The following KCP variants were observed in gnomAD, a reference collection of about 807,000 sequenced individuals.
KCP encodes kielin cysteine rich BMP regulator, also known as kielin/chordin-like protein.
KCP carries 194 observed loss-of-function variants against 212.7 expected under a neutral mutation model. That is an observed-to-expected ratio of 0.91 (90% CI 0.81 to 1.03). The LOEUF (loss-of-function observed/expected upper bound fraction) is 1.03. KCP is among the 50% of genes least tolerant of loss of function. The pLI, the probability that KCP is intolerant of heterozygous loss-of-function variation, is 0.00. For synonymous variants in KCP, 833 were observed against 865.3 expected (o/e 0.96, Z 0.65); for missense variants, 2,080 against 2,162.5 (o/e 0.96, Z 0.76).
At chr7:128,905,812 C>T (rs1795094707) in intron 5 of KCP, among the ~76,000 whole-genome samples, 1 of 152,044 alleles carries the variant, frequency 6.6e-6, no homozygotes, top group Non-Finnish European at 1.5e-5. Context: ...ACCTCACGTA[C>T]TCCCTCTCCT....
rs2128948327 is a variant in KCP, at chr7:128,894,260, C to T, written c.865G>A (p.Ala289Thr). Residue 289 changes from alanine to threonine, a missense_variant, in exon 9 of 40, where the codon GCC becomes ACC. Coordinates refer to ENST00000610776, the MANE Select transcript of KCP (RefSeq NM_001366122.1). The part of the protein sequence containing the change: ...GHIQCRQREC[A>T]SLCPYPARPL... ...CGGGCTGGGTATGGACACAGGCTGG[C>T]ACATTCTCGCTGGCGGCACTGGATG... The T allele has an allele frequency of 1.9e-6, 3 of 1,544,522 alleles. No homozygotes were observed. In the South Asian group the frequency reaches 3.6e-5, roughly 19 times the overall value.
chr7:128,892,644 C>T (rs747936077), intron 15 of KCP, 37 bp from the exon 16 acceptor site: 43 of 1,550,932 alleles, frequency 2.8e-5, no homozygotes, highest in Non-Finnish European at 4.4e-6. Flanking sequence ...TCGGGGCATG[C>T]CCAGGAGGGG....
At chr7:128,878,158 G>A (rs939603274) in intron 38 of KCP, among the ~76,000 whole-genome samples, 2 of 151,168 alleles carry the variant, frequency 1.3e-5, no homozygotes, top group Admixed American at 6.6e-5. Flanking sequence ...CTGGGTTCAA[G>A]TGATTCTCCT....
intron 23 of KCP, 56 bp from the exon 24 acceptor site, chr7:128,887,022 G>A: frequency 9.1e-7 from 1 of 1,095,304 alleles, no homozygotes; most frequent in Non-Finnish European, 1.4e-6. Context: ...CCCCAGGGCT[G>A]GAGCCCCTAC....
chr7:128,891,442 CAGA>C lies in KCP; in HGVS notation c.1878+6_1878+8del. 6.5e-7 allele frequency: 1 copy of C among 1,550,050 alleles called. No homozygotes were observed. Among genetic ancestry groups the C allele is most frequent in the Non-Finnish European group, 8.7e-7 (1 of 1,146,480 alleles). Reference sequence around the variant, plus strand: ...CCCCTGGGCGCCTCCCACCCAGGTGCAGACTCACCAGACAGCGACACAGACGGC... The same window carrying C: ...CCCCTGGGCGCCTCCCACCCAGGTGCCTCACCAGACAGCGACACAGACGGC... On this transcript the variant is annotated splice_donor_region_variant and intron_variant, in intron 18 of 39. Transcript: ENST00000610776.
Position 128,891,504 on chromosome 7 carries a change from T to C in KCP, c.1825A>G (p.Ser609Gly), listed in dbSNP as rs763933238. ...GCAFGGKEYP[S>G]GADFPHPSDP... ...GAGGGGTGGGGGAAGTCCGCTCCGC[T>C]GGGGTACTCTTTCCCGCCAAAGGCA... Residue 609 changes from serine (S) to glycine (G), a missense_variant, in exon 18 of 40, where the codon AGC becomes GGC. Physicochemically the swap from Ser to Gly is moderately conservative, Grantham distance 56. Coordinates refer to ENST00000610776, the MANE Select transcript of KCP (RefSeq NM_001366122.1). 6.5e-7 allele frequency: 1 copy of C among 1,547,228 alleles called. No individual in the cohort carries two copies. Among genetic ancestry groups the C allele is most frequent in the South Asian group, 1.2e-5 (1 of 84,006 alleles).
chr7:128,886,476 G>A lies in KCP; in HGVS notation c.2854C>T (p.Pro952Ser). Residue 952 changes from proline (P) to serine (S), a missense_variant, in exon 26 of 40, where the codon CCT becomes TCT. Physicochemically the swap from Pro to Ser is moderately conservative, Grantham distance 74. Coordinates refer to ENST00000610776, the MANE Select transcript of KCP (RefSeq NM_001366122.1). ...CAGGCGGCCATACCTCTGCAGCGAG[G>A]GCAGCAGCTCCCCCGCTCGGTGACC... Reference protein sequence around the residue: ...LQVTERGSCCPRCRGCLAHGE... With the variant: ...LQVTERGSCCSRCRGCLAHGE... 2 of 1,549,378 alleles carry A rather than the reference G, an allele frequency of 1.3e-6. No individual in the cohort carries two copies. Among genetic ancestry groups the A allele is most frequent in the Non-Finnish European group, 1.7e-6 (2 of 1,145,956 alleles).
rs558161406 is a variant in KCP at position 128,879,759 on chromosome 7, C to G, written c.4003G>C (p.Gly1335Arg). The change falls in exon 36 of 40, where the codon GGA becomes CGA. Residue 1335 changes from glycine to arginine, a missense_variant. Coordinates refer to ENST00000610776, the MANE Select transcript of KCP (RefSeq NM_001366122.1). ...TGCAGCAGCCGCACGGCCATGTCTCCCAGCAGCACCGCCACCTCCTGGGTC... is the reference window on the plus strand; with the variant it reads ...TGCAGCAGCCGCACGGCCATGTCTCGCAGCAGCACCGCCACCTCCTGGGTC... ...AWTQEVAVLL[G>R]DMAVRLLQDG... 25 of 1,550,532 alleles carry G rather than the reference C, an allele frequency of 1.6e-5. No individual in the cohort carries two copies. In the African/African-American group the frequency reaches 3.3e-4, roughly 20 times the overall value.
chr7:128,891,569 GA>G, intron 17 of KCP, 36 bp from the exon 18 acceptor site: 1 of 1,536,616 alleles, frequency 6.5e-7, no homozygotes. Context: ...GGGAGAGGGC[GA>G]CTGCCCCAGG....
chr7:128,890,542 C>CGTGGGGACTAGAGGGCT (rs925782958), intron 20 of KCP, 29 bp from the exon 21 acceptor site: 56 of 1,341,316 alleles, frequency 4.2e-5, no homozygotes, highest in Admixed American at 4.6e-5. Flanking sequence ...GCTGGGGGGC[C>CGTGGGGACTAGAGGGCT]GTGGGGACTA....
chr7:128,906,833 C>A (rs1490692123), intron 4 of KCP, among the ~76,000 whole-genome samples: 1 of 150,688 alleles, frequency 6.6e-6, no homozygotes, highest in African/African-American at 2.4e-5. Context: ...ATGTCAAAAA[C>A]CGCAATTACT....
Position 128,891,536 on chromosome 7 carries a change from G to C in KCP, c.1796-3C>G. On this transcript the variant is annotated splice_polypyrimidine_tract_variant and splice_region_variant and intron_variant, in intron 17 of 39. Coordinates refer to ENST00000610776, the MANE Select transcript of KCP (RefSeq NM_001366122.1). Reference sequence around the variant, plus strand: ...CTCTTTCCCGCCAAAGGCACAGCCTGGGGGAGGGAGGGGCTATAGCCTGGG... The same window carrying C: ...CTCTTTCCCGCCAAAGGCACAGCCTCGGGGAGGGAGGGGCTATAGCCTGGG... 4 of 1,547,014 alleles carry C rather than the reference G, an allele frequency of 2.6e-6. No homozygotes were observed. The South Asian group carries it at 3.6e-5, about 14-fold the overall frequency.
intron 30 of KCP, 70 bp downstream of exon 30, chr7:128,881,867 G>C (rs977804016): frequency 2.1e-6 from 3 of 1,457,918 alleles, no homozygotes; most frequent in Middle Eastern, 1.7e-4. Flanking sequence ...TGCGGGAGAG[G>C]AGTGGCAGCC....
intron 6 of KCP, 70 bp from the exon 7 acceptor site, chr7:128,903,890 G>A: frequency 7.6e-7 from 1 of 1,319,758 alleles, no homozygotes; most frequent in Non-Finnish European, 1.1e-6. Flanking sequence ...CGGGTGTTGG[G>A]CACCCTCGGA....
intron 34 of KCP, 44 bp downstream of exon 34, chr7:128,880,342 C>G (rs1221231460): frequency 6.7e-7 from 1 of 1,482,414 alleles, no homozygotes; most frequent in East Asian, 2.5e-5. Context: ...GTACCATGTG[C>G]CCCCACCCTG....
intron 8 of KCP, among the ~76,000 whole-genome samples, 197 bp downstream of exon 8, chr7:128,902,580 C>A (rs1476110639): frequency 6.6e-6 from 1 of 152,230 alleles, no homozygotes; most frequent in African/African-American, 2.4e-5. Context: ...GGCTGAGCAC[C>A]TCTTGGGCTC....
chr7:128,890,939 G>A lies in KCP; in HGVS notation c.2130C>T (p.His710=). The A allele has an allele frequency of 8.0e-7, 1 of 1,248,200 alleles. No individual in the cohort carries two copies. The highest frequency in any genetic ancestry group is 1.0e-6 in the Non-Finnish European group (1 of 1,001,036). 77.3% of individuals were successfully genotyped at this position (1,248,200 alleles called of 1,614,324 possible). The change falls in exon 20 of 40, where the codon CAC becomes CAT. Residue 710 remains histidine (H), a synonymous_variant. Transcript: ENST00000610776. ...AGGGGCAGCAAGGCCCCTGGCGCGG[G>A]TGCGCGCAGGGCGCGGGCGGGCAGG... ...RLPCPPAPCA[H]PRQGPCCPSC...
intron 1 of KCP, 94 bp downstream of exon 1, chr7:128,910,500 AAGAGCAG>A (rs1458430260): frequency 5.4e-6 from 6 of 1,112,858 alleles, no homozygotes; most frequent in Non-Finnish European, 7.4e-6. Context: ...AGGCAGGGCT[AAGAGCAG>A]AGCCCCCAGC....
chr7:128,884,147 G>A, intron 28 of KCP, 25 bp from the exon 29 acceptor site: 5 of 1,536,496 alleles, frequency 3.3e-6, no homozygotes, highest in Middle Eastern at 2.1e-4. Flanking sequence ...GAGCAGCGGT[G>A]GGTCCTGGGC....
Sources: gnomAD v4.1 joint callset for allele counts (sites outside exome capture counted in the v4.1 genomes callset) on GRCh38, gnomAD v4.1.1 for gene constraint, MANE v1.5 for transcripts, NCBI Gene and HGNC (gene_info 2026-07-23, HGNC 2026-07-21) for gene names.